Variants in RSPO2 observed in about 807,000 individuals in gnomAD.
RSPO2 encodes R-spondin-2.
Under a neutral mutation model 30.9 loss-of-function variants are expected in RSPO2, and 14 were observed. That is an observed-to-expected ratio of 0.45 (90% CI 0.30 to 0.71). The LOEUF (loss-of-function observed/expected upper bound fraction) is 0.71, where lower values mean the gene tolerates loss of function less well. RSPO2 is among the 30% of genes least tolerant of loss of function. The pLI, the probability that RSPO2 is intolerant of heterozygous loss-of-function variation, is 0.08. For missense variants in RSPO2, 264 were observed against 301.9 expected, an observed-to-expected ratio of 0.87 and a Z score of 0.93; for synonymous variants, 107 against 96.4, an observed-to-expected ratio of 1.11 and a Z score of -0.64.
chr8:108,049,271 A>C (rs1002744936), intron 2 of RSPO2, among the ~76,000 whole-genome samples: 1 of 152,050 alleles, frequency 6.6e-6, no homozygotes, highest in Non-Finnish European at 1.5e-5. Flanking sequence ...AAATAAAATA[A>C]CATCAGCCCA....
At chr8:108,032,979 G>C (rs1811470729) in intron 2 of RSPO2, among the ~76,000 whole-genome samples, 1 of 146,912 alleles carries the variant, frequency 6.8e-6, no homozygotes, top group Non-Finnish European at 1.5e-5. Context: ...GAACCCGGGA[G>C]GCGAAGCTTG....
chr8:108,065,814 G>T (rs1478781625), intron 2 of RSPO2, among the ~76,000 whole-genome samples: 1 of 152,156 alleles, frequency 6.6e-6, no homozygotes, highest in African/African-American at 2.4e-5. Flanking sequence ...AAGGTGGGCG[G>T]ATCACCTGAG....
chr8:107,970,655 T>C (rs1396050452), intron 3 of RSPO2, among the ~76,000 whole-genome samples: 1 of 152,202 alleles, frequency 6.6e-6, no homozygotes, highest in Non-Finnish European at 1.5e-5. Flanking sequence ...ACTGTATTGA[T>C]AAATCAAGAA....
Position 107,960,692 on chromosome 8 carries a change from C to T in RSPO2, c.409G>A (p.Glu137Lys). 1 of 1,612,318 alleles carries T rather than the reference C, an allele frequency of 6.2e-7. No individual in the cohort carries two copies. The highest frequency in any genetic ancestry group is 8.5e-7 in the Non-Finnish European group (1 of 1,179,484). Residue 137 changes from glutamate to lysine, a missense_variant, in exon 4 of 6, where the codon GAA (glutamate) becomes AAA (lysine). Coordinates refer to ENST00000276659, the MANE Select transcript of RSPO2 (RefSeq NM_178565.5). Reference protein sequence around the residue: ...ECPDGFAPLEETMECVEGCEV... With the variant: ...ECPDGFAPLEKTMECVEGCEV... ...TACTCACCCACACATTCCATGGTTT[C>T]TTCTAATGGTGCAAAACCATCTGGA... is the stretch of plus-strand genomic sequence containing the variant.
intron 5 of RSPO2, among the ~76,000 whole-genome samples, chr8:107,925,049 C>T (rs1270295526): frequency 6.6e-6 from 1 of 151,956 alleles, no homozygotes; most frequent in African/African-American, 2.4e-5. Flanking sequence ...TAAGTGATAA[C>T]ATATGATTTT....
chr8:108,042,787 G>A (rs1010128833), intron 2 of RSPO2, among the ~76,000 whole-genome samples: 14 of 152,070 alleles, frequency 9.2e-5, no homozygotes, highest in Non-Finnish European at 1.6e-4. Context: ...ACTGGCAGAT[G>A]AGCAAGCAGC....
intron 5 of RSPO2, among the ~76,000 whole-genome samples, chr8:107,924,868 G>T (rs1233115549): frequency 6.6e-6 from 1 of 151,146 alleles, no homozygotes; most frequent in African/African-American, 2.4e-5. Flanking sequence ...TTCTCAAGTA[G>T]ATTTATGGTT....
intron 2 of RSPO2, among the ~76,000 whole-genome samples, chr8:108,079,881 G>A (rs1418064837): frequency 6.6e-6 from 1 of 152,120 alleles, no homozygotes; most frequent in African/African-American, 2.4e-5. Flanking sequence ...CCAAAACAAA[G>A]GGGAAAAAGG....
chr8:107,921,941 G>A (rs1038999502), intron 5 of RSPO2, among the ~76,000 whole-genome samples: 1 of 152,044 alleles, frequency 6.6e-6, no homozygotes, highest in South Asian at 2.1e-4. Flanking sequence ...GGCATTGAAG[G>A]AACATACCTG....
At chr8:107,983,262 G>C in intron 3 of RSPO2, 1 of 1,592,012 alleles carries the variant, frequency 6.3e-7, no homozygotes, top group Non-Finnish European at 8.5e-7. Context: ...AGCTGACACA[G>C]TCTGAGCAGG....
chr8:107,940,765 A>C (rs1812870139), intron 5 of RSPO2, among the ~76,000 whole-genome samples: 1 of 152,218 alleles, frequency 6.6e-6, no homozygotes. Context: ...TTTAATGGAA[A>C]CAGCTATTTG....
At chr8:107,998,361 T>G (rs1815101213) in intron 2 of RSPO2, among the ~76,000 whole-genome samples, 1 of 152,162 alleles carries the variant, frequency 6.6e-6, no homozygotes, top group Non-Finnish European at 1.5e-5. Flanking sequence ...CCTGTAATCA[T>G]GTATACTACC....
intron 2 of RSPO2, among the ~76,000 whole-genome samples, chr8:108,048,551 ATTC>A (rs1344030444): frequency 8.6e-5 from 13 of 151,136 alleles, no homozygotes; most frequent in Admixed American, 8.6e-4. Flanking sequence ...TGTCTATTTG[ATTC>A]TTCTCTCTTT....
chr8:108,065,362 T>TCTTA (rs1343381309), intron 2 of RSPO2, among the ~76,000 whole-genome samples: 1 of 151,838 alleles, frequency 6.6e-6, no homozygotes, highest in Non-Finnish European at 1.5e-5. Flanking sequence ...TCCAGTGTTG[T>TCTTA]CTTACTCCAG....
intron 5 of RSPO2, among the ~76,000 whole-genome samples, chr8:107,920,462 A>G (rs953779034): frequency 3.3e-5 from 5 of 152,172 alleles, no homozygotes; most frequent in African/African-American, 1.2e-4. Context: ...ATGATCCTCT[A>G]GGGAAGTCTG....
At chr8:108,018,419 G>T (rs1269263494) in intron 2 of RSPO2, among the ~76,000 whole-genome samples, 2 of 152,148 alleles carry the variant, frequency 1.3e-5, no homozygotes, top group Middle Eastern at 3.2e-3. Flanking sequence ...GAGACCTCAA[G>T]CAGCCAACCA....
At chr8:107,996,573 T>C (rs1472540411) in intron 2 of RSPO2, among the ~76,000 whole-genome samples, 2 of 152,108 alleles carry the variant, frequency 1.3e-5, no homozygotes, top group Admixed American at 1.3e-4. Flanking sequence ...GCAGAATGGT[T>C]TAAGGAGGAG....
chr8:107,917,033 C>T (rs568895605), intron 5 of RSPO2, among the ~76,000 whole-genome samples: 5 of 152,170 alleles, frequency 3.3e-5, no homozygotes, highest in East Asian at 3.9e-4. Flanking sequence ...AATATTAAAA[C>T]GTAATGAAAG....
At chr8:108,038,867 C>T (rs1811673233) in intron 2 of RSPO2, among the ~76,000 whole-genome samples, 2 of 151,984 alleles carry the variant, frequency 1.3e-5, no homozygotes, top group African/African-American at 2.4e-5. Context: ...AACATATGCA[C>T]GAAGAAACCA....
Sources: gnomAD v4.1 joint callset for allele counts (sites outside exome capture counted in the v4.1 genomes callset) on GRCh38, gnomAD v4.1.1 for gene constraint, MANE v1.5 for transcripts, NCBI Gene and HGNC (gene_info 2026-07-23, HGNC 2026-07-21) for gene names.